Variants in GPS2 observed in about 807,000 individuals in gnomAD.
The protein encoded by GPS2 is G protein pathway suppressor 2, also known as GPS-2.
GPS2 carries 22 observed loss-of-function variants against 48.1 expected under a neutral mutation model. That is an observed-to-expected ratio of 0.46 (90% CI 0.33 to 0.65). The LOEUF (loss-of-function observed/expected upper bound fraction) is 0.65, where lower values mean the gene tolerates loss of function less well. Among genes scored for constraint, GPS2 ranks in the 30% least tolerant of loss-of-function variants. The probability of loss-of-function intolerance (pLI) is 0.03; values close to 1 mark genes in which losing one functional copy is unlikely to be tolerated. For synonymous variants in GPS2, 202 were observed against 142.5 expected (o/e 1.42, Z -2.98); for missense variants, 366 against 406.8 (o/e 0.90, Z 0.86).
In GPS2 at chr17:7,312,988, G is replaced by A. The variant is rs568991676; in HGVS notation, c.900+41C>T. The A allele has an allele frequency of 2.4e-5, 36 of 1,471,718 alleles. No homozygotes were observed. The South Asian group carries it at 2.6e-4, about 11-fold the overall frequency. The allele number at this position is 1,471,718 out of a possible 1,614,324, so 91.2% of individuals were successfully genotyped here. ...CTAATCCTGCTTTTCCGGATCCCTA[G>A]TGTAGGGATTCTGACAGGTAAATTC... On this transcript the variant is annotated intron_variant, in intron 10 of 10. Coordinates refer to ENST00000380728, the MANE Select transcript of GPS2 (RefSeq NM_004489.5).
rs115083985 is a variant in GPS2 at position 7,313,893 on chromosome 17, A to G, written c.480+13T>C. ...GGAAGTACTAGGGGCTAGGCATCCA[A>G]TCCTACTCTCACCGTAAGCACTTGG... On this transcript the variant is annotated intron_variant, in intron 6 of 10. Coordinates refer to ENST00000380728, the MANE Select transcript of GPS2 (RefSeq NM_004489.5). The G allele has an allele frequency of 4.1e-4, 667 of 1,611,642 alleles. 2 individuals carry two copies. The African/African-American group carries it at 8.3e-3, about 20-fold the overall frequency.
intron 7 of GPS2, 41 bp downstream of exon 7, chr17:7,313,527 G>C (rs761700279): frequency 4.7e-5 from 76 of 1,613,134 alleles, no homozygotes; most frequent in Non-Finnish European, 6.1e-5. Context: ...TTCCTCCTTT[G>C]ACCTTGAGGA....
chr17:7,313,479 GAA>G lies in GPS2; in HGVS notation c.635-12_635-11del. On this transcript the variant is annotated splice_polypyrimidine_tract_variant and intron_variant, in intron 7 of 10. Coordinates refer to ENST00000380728, the MANE Select transcript of GPS2 (RefSeq NM_004489.5). ...GGGAATGCCGAAGGAGCTGAGAAAGGAAAAGACAGAGCCATTAAAATCTTTTA... is the reference window on the plus strand; with the variant it reads ...GGGAATGCCGAAGGAGCTGAGAAAGGAAGACAGAGCCATTAAAATCTTTTA... The G allele has an allele frequency of 6.2e-7, 1 of 1,614,086 alleles. No homozygotes were observed. The highest frequency in any genetic ancestry group is 8.5e-7 in the Non-Finnish European group (1 of 1,179,936).
intron 9 of GPS2, 43 bp downstream of exon 9, chr17:7,313,169 T>C (rs2072886178): frequency 1.2e-6 from 2 of 1,609,686 alleles, no homozygotes; most frequent in South Asian, 2.2e-5. Context: ...GAAGCTCCCC[T>C]TAACATATCC....
Position 7,313,070 on chromosome 17 carries a change from C to G in GPS2, c.859G>C (p.Ala287Pro). Residue 287 changes from alanine (A) to proline (P), a missense_variant, in exon 10 of 11, where the codon GCT becomes CCT. Transcript: ENST00000380728. Reference protein sequence around the residue: ...QALHPAPGLLASPQLPVQMQP... With the variant: ...QALHPAPGLLPSPQLPVQMQP... ...ATCTGCACAGGGAGCTGGGGGGAAGCAAGGAGTCCAGGGGCTGGATGCAGA... is the reference window on the plus strand; with the variant it reads ...ATCTGCACAGGGAGCTGGGGGGAAGGAAGGAGTCCAGGGGCTGGATGCAGA... 6.4e-7 allele frequency: 1 copy of G among 1,560,586 alleles called. No homozygotes were observed.
In GPS2 at chr17:7,313,108, A is replaced by G; in HGVS notation, c.821T>C (p.Met274Thr). 1 of 1,590,184 alleles carries G rather than the reference A, an allele frequency of 6.3e-7. No individual in the cohort carries two copies. The highest frequency in any genetic ancestry group is 1.3e-5 in the African/African-American group (1 of 74,612). ...GFSDSSSLRP[M>T]HPQALHPAPG... The stretch of plus-strand genomic sequence containing the variant: ...GGCTGGATGCAGAGCCTGGGGGTGC[A>G]TGGGGCGCAGAGAGGACTGCAGAGA... The change falls in exon 10 of 11, where the codon ATG (methionine) becomes ACG (threonine). Residue 274 changes from methionine (M) to threonine (T), a missense_variant. Transcript: ENST00000380728.
chr17:7,315,135 C>A lies in GPS2; in HGVS notation c.-67-16G>T, dbSNP rs11541829. On this transcript the variant is annotated splice_polypyrimidine_tract_variant and intron_variant, in intron 1 of 10. Transcript: ENST00000380728. The stretch of plus-strand genomic sequence containing the variant: ...CAGACGGGGCCTGCGGGGAGGCGGG[C>A]GCTCAGAGGGGGCCGCGCCCGGCCC... 0.021 allele frequency: 22,878 copies of A among 1,092,528 alleles called. 294 individuals are homozygous for A. Among genetic ancestry groups the A allele is most frequent in the Non-Finnish European group, 0.024 (19,019 of 807,678 alleles). The allele number at this position is 1,092,528 out of a possible 1,614,324, so 67.7% of individuals were successfully genotyped here. A position where few individuals can be genotyped will look rare whatever the true frequency, so the allele number is the denominator to read the frequency against.
intron 6 of GPS2, 59 bp from the exon 7 acceptor site, chr17:7,313,780 T>TG: frequency 6.3e-7 from 1 of 1,597,118 alleles, no homozygotes; most frequent in Non-Finnish European, 8.6e-7. Flanking sequence ...ACCCAGTGAC[T>TG]TGTGTGTATC....
Position 7,312,703 on chromosome 17 carries a change from A to G in GPS2, c.*53T>C, listed in dbSNP as rs1254246414. The G allele has an allele frequency of 3.8e-5, 51 of 1,354,250 alleles. No homozygotes were observed. The South Asian group carries it at 5.2e-4, about 14-fold the overall frequency. The allele number at this position is 1,354,250 out of a possible 1,614,324, so 83.9% of individuals were successfully genotyped here. On this transcript the variant is annotated 3_prime_UTR_variant, in exon 11 of 11. Transcript: ENST00000380728. Reference sequence around the variant, plus strand: ...TATTGGCCTGGGACACACAGGGGATACCCTCACCCACGATGGGGTGGGGGG... The same window carrying G: ...TATTGGCCTGGGACACACAGGGGATGCCCTCACCCACGATGGGGTGGGGGG...
chr17:7,313,996 G>T lies in GPS2; in HGVS notation c.398-8C>A. ...TGTGTCCTCCAGGGCTCCCTAGAAA[G>T]GGAGAAGGGCTTCATGATGCTGAAA... On this transcript the variant is annotated splice_polypyrimidine_tract_variant and splice_region_variant and intron_variant, in intron 5 of 10. Coordinates refer to ENST00000380728, the MANE Select transcript of GPS2 (RefSeq NM_004489.5). The T allele has an allele frequency of 3.7e-6, 6 of 1,613,578 alleles. No homozygotes were observed. The highest frequency in any genetic ancestry group is 5.1e-6 in the Non-Finnish European group (6 of 1,179,510).
Position 7,313,025 on chromosome 17 carries a change from T to G in GPS2, c.900+4A>C. On this transcript the variant is annotated splice_donor_region_variant and intron_variant, in intron 10 of 10. Coordinates refer to ENST00000380728, the MANE Select transcript of GPS2 (RefSeq NM_004489.5). The stretch of plus-strand genomic sequence containing the variant: ...TGACAGGTAAATTCTATTACCATTC[T>G]TACCTTTCCTGCTGGCTGCATCTGC... 1 of 1,544,888 alleles carries G rather than the reference T, an allele frequency of 6.5e-7. No individual in the cohort carries two copies. The highest frequency in any genetic ancestry group is 8.7e-7 in the Non-Finnish European group (1 of 1,143,488).
intron 3 of GPS2, 30 bp downstream of exon 3, chr17:7,314,458 A>T: frequency 6.2e-7 from 1 of 1,614,142 alleles, no homozygotes; most frequent in Non-Finnish European, 8.5e-7. Context: ...CGAAGAAATC[A>T]AAGCTGGGAA....
Position 7,312,697 on chromosome 17 carries a change from G to C in GPS2, c.*59C>G. ...AGATTTTATTGGCCTGGGACACACA[G>C]GGGATACCCTCACCCACGATGGGGT... is the stretch of plus-strand genomic sequence containing the variant. On this transcript the variant is annotated 3_prime_UTR_variant, in exon 11 of 11. Coordinates refer to ENST00000380728, the MANE Select transcript of GPS2 (RefSeq NM_004489.5). 3.7e-6 allele frequency: 5 copies of C among 1,339,242 alleles called. No individual in the cohort carries two copies. In the South Asian group the frequency reaches 4.7e-5, roughly 13 times the overall value. The allele number at this position is 1,339,242 out of a possible 1,614,324, so 83.0% of individuals were successfully genotyped here.
At position 7,313,476 on chromosome 17, in the gene GPS2, A is replaced by G. The variant is rs1271329933; in HGVS notation, c.635-7T>C. The G allele has an allele frequency of 2.5e-5, 40 of 1,614,140 alleles. No individual in the cohort carries two copies. The highest frequency in any genetic ancestry group is 3.3e-5 in the Non-Finnish European group (39 of 1,179,972). ...GCAGGGAATGCCGAAGGAGCTGAGA[A>G]AGGAAAAGACAGAGCCATTAAAATC... On this transcript the variant is annotated splice_polypyrimidine_tract_variant and splice_region_variant and intron_variant, in intron 7 of 10. Transcript: ENST00000380728.
At chr17:7,313,324 AT>A in intron 8 of GPS2, 33 bp from the exon 9 acceptor site, 2 of 1,612,002 alleles carry the variant, frequency 1.2e-6, no homozygotes, top group Non-Finnish European at 1.7e-6. Context: ...TGAGATGAGA[AT>A]GAAACAGGGA....
Position 7,312,670 on chromosome 17 carries a change from G to A in GPS2, c.*86C>T. ...CAGCAGCAGCCAGGGGCAGTGGCAG[G>A]TAGATTTTATTGGCCTGGGACACAC... On this transcript the variant is annotated 3_prime_UTR_variant, in exon 11 of 11. Coordinates refer to ENST00000380728, the MANE Select transcript of GPS2 (RefSeq NM_004489.5). The A allele has an allele frequency of 9.4e-7, 1 of 1,064,892 alleles. No individual in the cohort carries two copies. 66.0% of individuals were successfully genotyped at this position (1,064,892 alleles called of 1,614,324 possible).
Position 7,313,426 on chromosome 17 carries a change from C to T in GPS2, c.678G>A (p.Gln226=). 6.2e-7 allele frequency: 1 copy of T among 1,614,138 alleles called. No individual in the cohort carries two copies. Among genetic ancestry groups the T allele is most frequent in the Non-Finnish European group, 8.5e-7 (1 of 1,180,010 alleles). The change falls in exon 8 of 11, where the codon CAG becomes CAA. Residue 226 remains glutamine (Q), a synonymous_variant. Coordinates refer to ENST00000380728, the MANE Select transcript of GPS2 (RefSeq NM_004489.5). ...GGCCATGCACAGCATAGGGCTGTGGCTGTGGCTGAGATAGGTACTGCACTG... is the reference window on the plus strand; with the variant it reads ...GGCCATGCACAGCATAGGGCTGTGGTTGTGGCTGAGATAGGTACTGCACTG... ...FPAVQYLSQP[Q]PQPYAVHGHF...
chr17:7,314,888 G>A, intron 2 of GPS2, 71 bp downstream of exon 2: 1 of 1,505,164 alleles, frequency 6.6e-7, no homozygotes, highest in South Asian at 1.2e-5. Flanking sequence ...GTTGGCCGGT[G>A]GGTTGAGGCC....
rs748017048 is a variant in GPS2 at position 7,313,623 on chromosome 17, G to C, written c.579C>G (p.Pro193=). The C allele has an allele frequency of 1.2e-6, 2 of 1,614,002 alleles. No homozygotes were observed. The highest frequency in any genetic ancestry group is 3.3e-5 in the Admixed American group (2 of 60,006). Residue 193 remains proline (P), a synonymous_variant, in exon 7 of 11, where the codon CCC becomes CCG. Coordinates refer to ENST00000380728, the MANE Select transcript of GPS2 (RefSeq NM_004489.5). ...GCTGTGTGGGCCCATAGTGAGGTGG[G>C]GGCTGAGCAGTCCCATAGGCACCAC... The part of the protein sequence containing the change: ...SPGGAYGTAQ[P]PPHYGPTQPA...
Sources: allele counts gnomAD v4.1 joint callset, GRCh38; gene constraint gnomAD v4.1.1; transcripts MANE v1.5; gene names NCBI Gene and HGNC (gene_info 2026-07-23, HGNC 2026-07-21).